Variants in CLCN5 observed in about 807,000 individuals in gnomAD.
CLCN5 encodes Cl-/H+ antiporter 5.
CLCN5 carries 17 observed loss-of-function variants against 54.0 expected under a neutral mutation model. The observed-to-expected ratio is 0.31, with a 90% confidence interval of 0.22 to 0.47. The LOEUF is 0.47. Ranked by LOEUF, CLCN5 falls within the 20% of genes least tolerant of loss-of-function variation. The pLI, the probability that CLCN5 is intolerant of heterozygous loss-of-function variation, is 1.00. For synonymous variants in CLCN5, 222 were observed against 233.0 expected (o/e 0.95, Z 0.43); for missense variants, 448 against 646.7 (o/e 0.69, Z 3.33).
At chrX:49,982,633 C>T (rs1225144314) in intron 3 of CLCN5, among the ~76,000 whole-genome samples, 3 of 111,685 alleles carry the variant, frequency 2.7e-5, no homozygotes, top group Middle Eastern at 4.6e-3. Context: ...TAATGCCAAA[C>T]GTTGCTATTG....
chrX:49,937,800 A>G (rs1226634061), intron 3 of CLCN5, among the ~76,000 whole-genome samples: 1 of 111,969 alleles, frequency 8.9e-6, no homozygotes, highest in Non-Finnish European at 1.9e-5. Context: ...TTGCAAGTGA[A>G]TGCTAAGCTA....
At position 50,090,775 on chromosome X, in the gene CLCN5, G is replaced by A. The variant is rs1445078592; in HGVS notation, c.2249G>A (p.Arg750Gln). ...PPYTPPTLKLRNILDLSPFTV... is the reference protein window; with the variant it reads ...PPYTPPTLKLQNILDLSPFTV... ...TACACTCCACCCACTCTAAAGCTTC[G>A]GAACATCCTCGATCTCAGCCCCTTC... The change falls in exon 14 of 15, where the codon CGG becomes CAG. Residue 750 changes from arginine (R) to glutamine (Q), a missense_variant. By Grantham distance (43) the Arg-to-Gln change is conservative (BLOSUM62 1). This residue lies in a region of CLCN5 where 297 missense variants were observed against 470.4 expected (regional missense o/e 0.63). Coordinates refer to ENST00000376091, the MANE Select transcript of CLCN5 (RefSeq NM_001127898.4). 9 of 1,208,814 alleles carry A rather than the reference G, an allele frequency of 7.4e-6. No homozygotes were observed. Among genetic ancestry groups the A allele is most frequent in the African/African-American group, 3.5e-5 (2 of 57,032 alleles).
intron 3 of CLCN5, among the ~76,000 whole-genome samples, chrX:49,971,229 AATAT>A (rs1358218415): frequency 9.8e-6 from 1 of 102,220 alleles, no homozygotes. Context: ...TATATATATA[AATAT>A]ATATTTATTT....
chrX:49,978,497 C>G (rs995154832), intron 3 of CLCN5, among the ~76,000 whole-genome samples: 5 of 112,190 alleles, frequency 4.5e-5, no homozygotes, highest in African/African-American at 1.6e-4. Flanking sequence ...GTGTCTTCAT[C>G]TATAAAAATA....
intron 4 of CLCN5, among the ~76,000 whole-genome samples, chrX:50,049,559 A>G (rs1557188117): frequency 1.8e-5 from 2 of 112,080 alleles, no homozygotes; most frequent in African/African-American, 6.5e-5. Flanking sequence ...TTTTGCTTTA[A>G]TCTTACAAAT....
At chrX:49,930,892 A>G (rs1557168780) in intron 3 of CLCN5, among the ~76,000 whole-genome samples, 1 of 111,783 alleles carries the variant, frequency 8.9e-6, no homozygotes, top group African/African-American at 3.3e-5. Context: ...AATCCCAGCT[A>G]CACCTTTATC....
rs1463166803 is a variant in CLCN5, at chrX:50,065,626, T to G, written c.164-4253T>G. 8.5e-5 allele frequency among the ~76,000 whole-genome samples: 7 copies of G among 82,445 alleles called. No individual in the cohort carries two copies. In the Middle Eastern group the frequency reaches 0.018, roughly 207 times the overall value. 71.6% of individuals were successfully genotyped at this position (82,445 alleles called of 115,157 possible). On this transcript the variant is annotated intron_variant, in intron 4 of 14. Coordinates refer to ENST00000376091, the MANE Select transcript of CLCN5 (RefSeq NM_001127898.4). ...TGGCGATTCCTCAGGGATCTAGAAC[T>G]AGAAATACCATTTGACCCAGCCATC...
intron 3 of CLCN5, among the ~76,000 whole-genome samples, chrX:49,960,233 A>G (rs1027952483): frequency 5.4e-5 from 6 of 110,708 alleles, no homozygotes; most frequent in Admixed American, 3.9e-4. Context: ...TGCCCTGCCA[A>G]TCTCCAGACC....
intron 3 of CLCN5, among the ~76,000 whole-genome samples, chrX:50,002,663 GTCTC>G (rs1174801174): frequency 3.1e-4 from 29 of 92,757 alleles, no homozygotes; most frequent in Admixed American, 1.3e-3. Context: ...CTCTGTCTCT[GTCTC>G]TCTCTCTCTC....
intron 3 of CLCN5, among the ~76,000 whole-genome samples, chrX:49,953,067 TAGAGAC>T (rs1322608984): frequency 5.4e-5 from 6 of 110,859 alleles, no homozygotes; most frequent in Admixed American, 3.8e-4. Flanking sequence ...GTATTTGTAG[TAGAGAC>T]AGGGTTTCTC....
chrX:50,000,100 A>G lies in CLCN5; in HGVS notation c.17-42216A>G, dbSNP rs190227103. ...CTACAGTGAGCTTTTTATTTTAAAT[A>G]TGCTTCCCCAAACCTGTTGGACTGT... On this transcript the variant is annotated intron_variant, in intron 3 of 14. Coordinates refer to ENST00000376091, the MANE Select transcript of CLCN5 (RefSeq NM_001127898.4). 6.8e-4 allele frequency among the ~76,000 whole-genome samples: 75 copies of G among 109,700 alleles called. 1 individual carries two copies. Among genetic ancestry groups the G allele is most frequent in the Admixed American group, 2.0e-3 (21 of 10,311 alleles).
intron 4 of CLCN5, among the ~76,000 whole-genome samples, chrX:50,063,387 G>C (rs1337634779): frequency 9.4e-6 from 1 of 106,839 alleles, no homozygotes; most frequent in Non-Finnish European, 1.9e-5. Context: ...ACACCTCTAC[G>C]CAAATAAACT....
intron 3 of CLCN5, among the ~76,000 whole-genome samples, chrX:49,938,234 A>G (rs1311971431): frequency 8.9e-6 from 1 of 111,859 alleles, no homozygotes; most frequent in Non-Finnish European, 1.9e-5. Flanking sequence ...TATAGATTCA[A>G]TGCCATCCCC....
chrX:49,935,932 C>T (rs1925936848), intron 3 of CLCN5, among the ~76,000 whole-genome samples: 1 of 110,934 alleles, frequency 9.0e-6, no homozygotes, highest in South Asian at 3.9e-4. Flanking sequence ...GCAGAGTGAC[C>T]AGTGAATGAA....
chrX:49,923,460 A>G lies in CLCN5; in HGVS notation c.-151A>G, dbSNP rs2147242909. 8.9e-6 allele frequency: 1 copy of G among 112,405 alleles called. No individual in the cohort carries two copies. Among genetic ancestry groups the G allele is most frequent in the South Asian group, 3.6e-4 (1 of 2,748 alleles). The allele number at this position is 112,405 out of a possible 1,213,427, so 9.3% of individuals were successfully genotyped here. A position where few individuals can be genotyped will look rare whatever the true frequency, so the allele number is the denominator to read the frequency against. ...GAAGTTGTACCTGTGCCCGTGCGAT[A>G]ACGTCAGTGGAAGCTGCCCCGAGTA... On this transcript the variant is annotated 5_prime_UTR_variant, in exon 2 of 15. In the 5' UTR this introduces an upstream ATG that the reference lacks. Coordinates refer to ENST00000376091, the MANE Select transcript of CLCN5 (RefSeq NM_001127898.4).
chrX:50,007,294 CAT>C (rs1335770001), intron 3 of CLCN5, among the ~76,000 whole-genome samples: 1 of 111,672 alleles, frequency 9.0e-6, no homozygotes, highest in African/African-American at 3.3e-5. Context: ...CATATGCAGA[CAT>C]GTGAGCATAC....
chrX:49,955,575 A>G (rs1263786045), intron 3 of CLCN5, among the ~76,000 whole-genome samples: 1 of 111,381 alleles, frequency 9.0e-6, no homozygotes, highest in Non-Finnish European at 1.9e-5. Context: ...TTTTTCAGAC[A>G]TTCATCTAGA....
At chrX:50,013,152 A>G (rs1268260734) in intron 3 of CLCN5, 2 of 255,522 alleles carry the variant, frequency 7.8e-6, no homozygotes, top group East Asian at 2.2e-4. Context: ...CAATCAATCA[A>G]TCAATCTCTC....
chrX:49,975,851 C>T (rs782658695), intron 3 of CLCN5, among the ~76,000 whole-genome samples: 45 of 112,219 alleles, frequency 4.0e-4, no homozygotes, highest in Non-Finnish European at 6.9e-4. Context: ...GAGGCTTCAT[C>T]GCTTCATGGA....
Sources: allele counts gnomAD v4.1 joint callset (sites outside exome capture counted in the v4.1 genomes callset), GRCh38; gene constraint gnomAD v4.1.1; regional missense constraint gnomAD v4.1.1; transcripts MANE v1.5; gene names NCBI Gene and HGNC (gene_info 2026-07-23, HGNC 2026-07-21).